Variants in ARSB observed in about 807,000 individuals in gnomAD.
The protein encoded by ARSB is N-acetylgalactosamine-4-sulfatase.
A neutral mutation model predicts 50.9 loss-of-function variants in ARSB; 41 were observed. The observed-to-expected ratio is 0.81, with a 90% CI of 0.63 to 1.04. The LOEUF (loss-of-function observed/expected upper bound fraction) is 1.04. Ranked by LOEUF, ARSB falls within the 50% of genes least tolerant of loss-of-function variation. The probability of loss-of-function intolerance (pLI) is 0.00; values close to 1 mark genes in which losing one functional copy is unlikely to be tolerated. For synonymous variants in ARSB, 269 were observed against 284.8 expected (o/e 0.94, Z 0.56); for missense variants, 672 against 693.3 (o/e 0.97, Z 0.35).
intron 5 of ARSB, among the ~76,000 whole-genome samples, chr5:78,865,607 C>T (rs943087755): frequency 1.3e-5 from 2 of 152,204 alleles, no homozygotes; most frequent in Admixed American, 1.3e-4. Flanking sequence ...GCTTGAATTT[C>T]TACTCAGAAA....
At chr5:78,873,883 C>T (rs1256080671) in intron 5 of ARSB, among the ~76,000 whole-genome samples, 2 of 152,304 alleles carry the variant, frequency 1.3e-5, no homozygotes, top group South Asian at 2.1e-4. Flanking sequence ...AAAACTGACA[C>T]AGTAGGGTCA....
Position 78,837,073 on chromosome 5 carries a change from C to T in ARSB, c.1213+2283G>A, listed in dbSNP as rs189870540. On this transcript the variant is annotated intron_variant, in intron 6 of 7. Coordinates refer to ENST00000264914, the MANE Select transcript of ARSB (RefSeq NM_000046.5). Reference sequence around the variant, plus strand: ...GCCCCTCCTCCAGCATGGGGGATTACAATTCGACATGACACTTGGGTGGGA... The same window carrying T: ...GCCCCTCCTCCAGCATGGGGGATTATAATTCGACATGACACTTGGGTGGGA... 1.2e-4 allele frequency among the ~76,000 whole-genome samples: 18 copies of T among 152,296 alleles called. No homozygotes were observed. In the East Asian group the frequency reaches 1.5e-3, roughly 13 times the overall value.
intron 1 of ARSB, among the ~76,000 whole-genome samples, chr5:78,979,990 A>T (rs1752832340): frequency 6.6e-6 from 1 of 152,234 alleles, no homozygotes; most frequent in South Asian, 2.1e-4. Flanking sequence ...ACATGCTACA[A>T]CATAGATGAA....
At position 78,782,053 on chromosome 5, in the gene ARSB, A is replaced by G. The variant is rs1376539704; in HGVS notation, c.1214-79T>C. The stretch of plus-strand genomic sequence containing the variant: ...ATAAATCAGCATTTTATACCCTTGC[A>G]GAACAGTAGCTTTTATTCAACACTG... On this transcript the variant is annotated intron_variant, in intron 6 of 7. Coordinates refer to ENST00000264914, the MANE Select transcript of ARSB (RefSeq NM_000046.5). The G allele has an allele frequency of 3.2e-6, 5 of 1,574,124 alleles. No homozygotes were observed. In the East Asian group the frequency reaches 9.0e-5, roughly 28 times the overall value.
chr5:78,972,474 G>A (rs1434468203), intron 1 of ARSB, among the ~76,000 whole-genome samples: 2 of 149,768 alleles, frequency 1.3e-5, no homozygotes, highest in East Asian at 1.9e-4. Context: ...TATCCAGGCT[G>A]GGAAAGGGAA....
At chr5:78,849,497 C>T (rs1040057741) in intron 5 of ARSB, among the ~76,000 whole-genome samples, 58 of 150,348 alleles carry the variant, frequency 3.9e-4, no homozygotes, top group South Asian at 1.9e-3. Context: ...AGTCAGGTAG[C>T]GTGATGCCTC....
At chr5:78,916,848 A>G (rs1749569161) in intron 4 of ARSB, among the ~76,000 whole-genome samples, 1 of 145,706 alleles carries the variant, frequency 6.9e-6, no homozygotes, top group Admixed American at 6.9e-5. Context: ...TTCAATGTCA[A>G]ACTTTAAATT....
chr5:78,820,113 T>C (rs2112673228), intron 6 of ARSB, among the ~76,000 whole-genome samples: 1 of 152,232 alleles, frequency 6.6e-6, no homozygotes, highest in Admixed American at 6.5e-5. Context: ...TCAATGTTTC[T>C]CTCCTCTGGA....
chr5:78,799,118 T>A (rs1400759266), intron 6 of ARSB, among the ~76,000 whole-genome samples: 1 of 152,172 alleles, frequency 6.6e-6, no homozygotes, highest in East Asian at 1.9e-4. Context: ...TGGAAACACA[T>A]CTGAGACAGT....
At chr5:78,913,391 T>A (rs372773587) in intron 4 of ARSB, among the ~76,000 whole-genome samples, 47 of 152,176 alleles carry the variant, frequency 3.1e-4, no homozygotes, top group African/African-American at 1.1e-3. Context: ...CTCAAAGTGC[T>A]TGGGATTACA....
intron 1 of ARSB, among the ~76,000 whole-genome samples, chr5:78,976,077 A>G (rs1233118259): frequency 1.3e-5 from 2 of 152,144 alleles, no homozygotes; most frequent in Non-Finnish European, 2.9e-5. Context: ...AACAAGGGAA[A>G]AATAAATATA....
intron 5 of ARSB, among the ~76,000 whole-genome samples, chr5:78,849,618 G>A (rs1035034467): frequency 2.5e-4 from 38 of 151,762 alleles, no homozygotes; most frequent in Non-Finnish European, 4.9e-4. Flanking sequence ...GTAGCTTGAT[G>A]GGGATGGCAT....
intron 5 of ARSB, among the ~76,000 whole-genome samples, chr5:78,879,829 G>A (rs577161735): frequency 1.3e-5 from 2 of 152,158 alleles, no homozygotes; most frequent in Non-Finnish European, 2.9e-5. Flanking sequence ...CATTAGGCTC[G>A]AGGCTGAATT....
At chr5:78,796,478 G>C (rs1403314478) in intron 6 of ARSB, among the ~76,000 whole-genome samples, 1 of 152,234 alleles carries the variant, frequency 6.6e-6, no homozygotes, top group East Asian at 1.9e-4. Flanking sequence ...GGTAAAGAAA[G>C]AGTGACAAAT....
intron 5 of ARSB, among the ~76,000 whole-genome samples, chr5:78,847,538 ATC>A (rs1383435057): frequency 6.6e-6 from 1 of 152,054 alleles, no homozygotes; most frequent in African/African-American, 2.4e-5. Flanking sequence ...TTCTTGTTGT[ATC>A]TCTGTCTAGT....
At chr5:78,946,159 C>T (rs1428013157) in intron 4 of ARSB, among the ~76,000 whole-genome samples, 2 of 152,168 alleles carry the variant, frequency 1.3e-5, no homozygotes, top group African/African-American at 2.4e-5. Flanking sequence ...AAAGTTGGGA[C>T]TCAAACTCTG....
At chr5:78,788,009 T>A (rs1476585004) in intron 6 of ARSB, among the ~76,000 whole-genome samples, 1 of 151,982 alleles carries the variant, frequency 6.6e-6, no homozygotes, top group African/African-American at 2.4e-5. Context: ...TATGAGGAAG[T>A]GAACCAGTTA....
chr5:78,908,989 A>G (rs1749188747), intron 4 of ARSB, among the ~76,000 whole-genome samples: 2 of 152,200 alleles, frequency 1.3e-5, no homozygotes, highest in Non-Finnish European at 2.9e-5. Context: ...TTTATATATT[A>G]AACAAAGAAA....
rs904981025 is a variant in ARSB at position 78,842,680 on chromosome 5, G to A, written c.1143-3254C>T. ...CACAAATTCTTGGCCACTTAAATTT[G>A]AGTAGTCTCCAATAATCACATGAAA... On this transcript the variant is annotated intron_variant, in intron 5 of 7. Coordinates refer to ENST00000264914, the MANE Select transcript of ARSB (RefSeq NM_000046.5). Among the ~76,000 whole-genome samples the A allele has an allele frequency of 1.1e-4, 17 of 151,878 alleles. 1 individual carries two copies. The highest frequency in any genetic ancestry group is 1.1e-3 in the Admixed American group (17 of 15,250).
Sources: allele counts gnomAD v4.1 joint callset (sites outside exome capture counted in the v4.1 genomes callset), GRCh38; gene constraint gnomAD v4.1.1; transcripts MANE v1.5; gene names NCBI Gene and HGNC (gene_info 2026-07-23, HGNC 2026-07-21).